TMEM132B: variants seen among roughly 807,000 people sequenced by gnomAD.
TMEM132B encodes transmembrane protein 132B.
In TMEM132B, 18 loss-of-function variants were observed where a neutral mutation model predicts 90.8. The ratio of observed to expected loss-of-function variants is 0.20; its 90% confidence interval spans 0.14 to 0.29. TMEM132B has a LOEUF of 0.29. TMEM132B is among the 10% of genes least tolerant of loss of function. The pLI, the probability that TMEM132B is intolerant of heterozygous loss-of-function variation, is 1.00. For synonymous variants in TMEM132B, 504 were observed against 523.3 expected (o/e 0.96, Z 0.50); for missense variants, 1,096 against 1,326.8 (o/e 0.83, Z 2.70).
intron 3 of TMEM132B, among the ~76,000 whole-genome samples, chr12:125,452,768 A>G (rs984381087): frequency 3.9e-5 from 6 of 152,060 alleles, no homozygotes; most frequent in Non-Finnish European, 2.9e-5. Context: ...GGCCATTTGT[A>G]TTTCCTTTTC....
chr12:125,604,929 C>T (rs750625004), intron 5 of TMEM132B, among the ~76,000 whole-genome samples: 1 of 152,190 alleles, frequency 6.6e-6, no homozygotes, highest in Non-Finnish European at 1.5e-5. Context: ...GAATTTCAAG[C>T]CATCTGACCC....
intron 5 of TMEM132B, among the ~76,000 whole-genome samples, chr12:125,630,410 C>A (rs149099786): frequency 6.6e-6 from 1 of 151,952 alleles, no homozygotes; most frequent in African/African-American, 2.4e-5. Context: ...TCTAGAGTTT[C>A]CAATTTATTT....
In TMEM132B at chr12:125,213,993, C is replaced by T. The variant is rs1302837043; in HGVS notation, c.67+27127C>T. Among the ~76,000 whole-genome samples the T allele has an allele frequency of 6.6e-6, 1 of 152,152 alleles. No homozygotes were observed. Among genetic ancestry groups the T allele is most frequent in the Non-Finnish European group, 1.5e-5 (1 of 68,030 alleles). ...ACATAAGTTTGGGGGATAGAGAGAA[C>T]AATAGTACCCCTTCGTCAGTGAGCT... On this transcript the variant is annotated intron_variant, in intron 1 of 8. Transcript: ENST00000682704. The surrounding 1 kb of genome is among the most constrained non-coding windows in gnomAD (Gnocchi z 4.2).
chr12:125,331,331 C>T (rs1284110663), intron 1 of TMEM132B, among the ~76,000 whole-genome samples: 1 of 152,212 alleles, frequency 6.6e-6, no homozygotes, highest in Non-Finnish European at 1.5e-5. Context: ...TGTATTTTTC[C>T]TCCGCACCAA....
chr12:125,352,151 C>T (rs1877608162), intron 2 of TMEM132B, among the ~76,000 whole-genome samples: 1 of 152,218 alleles, frequency 6.6e-6, no homozygotes, highest in Non-Finnish European at 1.5e-5. Flanking sequence ...GCCTTTAAGG[C>T]TCTCACATGA....
At chr12:125,625,380 A>G (rs924745660) in intron 5 of TMEM132B, among the ~76,000 whole-genome samples, 66 of 151,756 alleles carry the variant, frequency 4.3e-4, no homozygotes, top group African/African-American at 1.6e-3. Flanking sequence ...TGATCCGCCC[A>G]CCTCGGCCTC....
At chr12:125,334,117 G>C (rs185766456) in intron 1 of TMEM132B, among the ~76,000 whole-genome samples, 1 of 152,066 alleles carries the variant, frequency 6.6e-6, no homozygotes, top group African/African-American at 2.4e-5. Flanking sequence ...AGGCCATTCT[G>C]AAAAAGAAAA....
rs981877284 is a variant in TMEM132B, at chr12:125,656,484, G to A, written c.*1774G>A. The A allele has an allele frequency of 6.6e-6, 1 of 152,190 alleles. No individual in the cohort carries two copies. Among genetic ancestry groups the A allele is most frequent in the African/African-American group, 2.4e-5 (1 of 41,438 alleles). 9.4% of individuals were successfully genotyped at this position (152,190 alleles called of 1,614,324 possible). A position where few individuals can be genotyped will look rare whatever the true frequency, so the allele number is the denominator to read the frequency against. On this transcript the variant is annotated 3_prime_UTR_variant, in exon 9 of 9. Transcript: ENST00000682704. The stretch of plus-strand genomic sequence containing the variant: ...GGCCCACAGGACTGTAGTGTGTTTG[G>A]GAACAGTGCTGAAATTGCAAGTGAT...
chr12:125,401,083 G>A (rs1879307723), intron 2 of TMEM132B, among the ~76,000 whole-genome samples: 3 of 152,150 alleles, frequency 2.0e-5, no homozygotes, highest in Non-Finnish European at 2.9e-5. Context: ...TGGTCCACAG[G>A]GTTCTGATGC....
intron 5 of TMEM132B, chr12:125,586,788 C>T (rs1263283817): frequency 5.3e-5 from 8 of 152,050 alleles, no homozygotes; most frequent in Non-Finnish European, 5.9e-5. Flanking sequence ...GCTGGCAATT[C>T]GGCTAGACCA....
At chr12:125,612,226 A>G (rs1885848912) in intron 5 of TMEM132B, among the ~76,000 whole-genome samples, 1 of 152,128 alleles carries the variant, frequency 6.6e-6, no homozygotes, top group Admixed American at 6.5e-5. Context: ...CTATAATCCC[A>G]GCACTTTGGG....
chr12:125,466,715 C>G (rs1462846147), intron 3 of TMEM132B, among the ~76,000 whole-genome samples: 2 of 152,342 alleles, frequency 1.3e-5, no homozygotes, highest in Middle Eastern at 3.4e-3. Context: ...CTTGGAATGG[C>G]AGATGGTCCA....
chr12:125,361,632 G>A lies in TMEM132B; in HGVS notation c.959+11289G>A, dbSNP rs77296930. 7.8e-3 allele frequency among the ~76,000 whole-genome samples: 1,182 copies of A among 152,316 alleles called. 22 individuals are homozygous for A. The highest frequency in any genetic ancestry group is 0.027 in the African/African-American group (1,124 of 41,558). ...AGAGCTTAGATTTTGGTAGAGCTTG[G>A]AAATGAGGACAGGTGAGTGTTTCCC... On this transcript the variant is annotated intron_variant, in intron 2 of 8. Transcript: ENST00000682704.
At chr12:125,517,685 A>G (rs1883202924) in intron 3 of TMEM132B, among the ~76,000 whole-genome samples, 2 of 152,146 alleles carry the variant, frequency 1.3e-5, no homozygotes, top group Admixed American at 6.5e-5. Context: ...ATATTACTGG[A>G]TGGTACATGA....
chr12:125,283,673 A>G (rs1230597498), intron 1 of TMEM132B, among the ~76,000 whole-genome samples: 1 of 152,248 alleles, frequency 6.6e-6, no homozygotes, highest in Non-Finnish European at 1.5e-5. Context: ...GCCTCCGAGT[A>G]GCTTCCGGCA....
chr12:125,237,239 G>T (rs140271041), intron 1 of TMEM132B, among the ~76,000 whole-genome samples: 156 of 152,196 alleles, frequency 1.0e-3, no homozygotes, highest in African/African-American at 3.5e-3. Flanking sequence ...CACCAGTGCC[G>T]CAGGTGACCT....
At chr12:125,189,864 T>C (rs561393385) in intron 1 of TMEM132B, among the ~76,000 whole-genome samples, 142 of 152,276 alleles carry the variant, frequency 9.3e-4, no homozygotes, top group Middle Eastern at 3.4e-3. Context: ...TGTTCCCAGA[T>C]GCGTCTCCCA....
chr12:125,545,113 G>A (rs1433825564), intron 4 of TMEM132B, among the ~76,000 whole-genome samples: 2 of 152,154 alleles, frequency 1.3e-5, no homozygotes, highest in East Asian at 3.9e-4. Flanking sequence ...AGGGGAGGAG[G>A]CTCAATGTTA....
At chr12:125,296,918 A>G (rs370515376) in intron 1 of TMEM132B, among the ~76,000 whole-genome samples, 22 of 152,214 alleles carry the variant, frequency 1.4e-4, no homozygotes, top group African/African-American at 5.1e-4. Context: ...AACCGTGCAC[A>G]GGAGGCCTGC....
Sources: gnomAD v4.1 joint callset for allele counts (sites outside exome capture counted in the v4.1 genomes callset) on GRCh38, gnomAD v4.1.1 for gene constraint, Gnocchi (gnomAD v3.1) non-coding constraint, MANE v1.5 for transcripts, NCBI Gene and HGNC (gene_info 2026-07-23, HGNC 2026-07-21) for gene names.